PRPS2: variants seen among roughly 807,000 people sequenced by gnomAD.
PRPS2 encodes the protein phosphoribosyl pyrophosphate synthetase 2, also known as ribose-phosphate pyrophosphokinase 2.
For missense variants in PRPS2, 104 were observed against 271.5 expected (o/e 0.38, Z 4.34); for synonymous variants, 111 against 115.3 (o/e 0.96, Z 0.24).
chrX:12,806,083 GA>G (rs754962160), intron 2 of PRPS2, among the ~76,000 whole-genome samples: 10,451 of 87,900 alleles, frequency 0.12, 465 homozygotes, highest in Non-Finnish European at 0.15. Context: ...GTCTCAAAAG[GA>G]AAAAAAAAAA....
intron 1 of PRPS2, among the ~76,000 whole-genome samples, chrX:12,796,359 T>G (rs2042543750): frequency 9.1e-6 from 1 of 110,140 alleles, no homozygotes; most frequent in African/African-American, 3.3e-5. Flanking sequence ...TAGCTGGGAT[T>G]ACAGGCATGC....
At chrX:12,822,386 T>TA (rs1384548167) in intron 6 of PRPS2, among the ~76,000 whole-genome samples, 1 of 112,194 alleles carries the variant, frequency 8.9e-6, no homozygotes, top group Admixed American at 9.4e-5. Flanking sequence ...ACCTTCCGTA[T>TA]AATGATTAAA....
intron 2 of PRPS2, among the ~76,000 whole-genome samples, chrX:12,808,881 T>C (rs1231363466): frequency 2.7e-5 from 3 of 111,590 alleles, no homozygotes; most frequent in Non-Finnish European, 5.6e-5. Flanking sequence ...CTTTATGCCC[T>C]TCCTACTACT....
At chrX:12,804,478 C>A (rs1426800145) in intron 2 of PRPS2, among the ~76,000 whole-genome samples, 1 of 111,327 alleles carries the variant, frequency 9.0e-6, no homozygotes, top group African/African-American at 3.3e-5. Flanking sequence ...TAATACTTTT[C>A]CTAACTATTC....
At chrX:12,804,193 G>A in intron 2 of PRPS2, among the ~76,000 whole-genome samples, 1 of 109,478 alleles carries the variant, frequency 9.1e-6, no homozygotes, top group Middle Eastern at 4.7e-3. Context: ...CCAGGCTGGA[G>A]TACAGTGGCA....
chrX:12,808,652 T>C (rs1479649626), intron 2 of PRPS2, among the ~76,000 whole-genome samples: 1 of 112,362 alleles, frequency 8.9e-6, no homozygotes, highest in Non-Finnish European at 1.9e-5. Flanking sequence ...TTTGTAATAG[T>C]GTTAGCGTCC....
chrX:12,808,310 G>T (rs1231433385), intron 2 of PRPS2, among the ~76,000 whole-genome samples: 1 of 111,128 alleles, frequency 9.0e-6, no homozygotes, highest in Non-Finnish European at 1.9e-5. Flanking sequence ...GTGTGTGTGT[G>T]TGTGTAACAA....
chrX:12,809,504 G>A (rs1237044548), intron 3 of PRPS2, among the ~76,000 whole-genome samples, 172 bp downstream of exon 3: 3 of 111,300 alleles, frequency 2.7e-5, no homozygotes, highest in Non-Finnish European at 3.8e-5. Flanking sequence ...TCACCACCTT[G>A]CCCCCCAGTC....
At chrX:12,812,593 C>G (rs1210228416) in intron 4 of PRPS2, among the ~76,000 whole-genome samples, 1 of 112,028 alleles carries the variant, frequency 8.9e-6, no homozygotes, top group African/African-American at 3.2e-5. Context: ...CGCCACTGCA[C>G]TCCAGCGTGG....
At chrX:12,810,267 G>C (rs1462064294) in intron 4 of PRPS2, 121 bp downstream of exon 4, 1 of 923,564 alleles carries the variant, frequency 1.1e-6, no homozygotes, top group Non-Finnish European at 1.5e-6. Context: ...TAATGAGCAA[G>C]TAAGTAGACC....
intron 5 of PRPS2, among the ~76,000 whole-genome samples, chrX:12,820,232 G>A (rs1429143226): frequency 8.9e-6 from 1 of 112,564 alleles, no homozygotes; most frequent in Non-Finnish European, 1.9e-5. Flanking sequence ...TCAAAACAAT[G>A]ATGTTTGGCT....
intron 5 of PRPS2, 48 bp downstream of exon 5, chrX:12,819,728 G>A (rs764370751): frequency 6.1e-6 from 7 of 1,152,124 alleles, no homozygotes; most frequent in Admixed American, 2.4e-5. Flanking sequence ...CTAGGAAAGG[G>A]AAACACATCA....
chrX:12,809,873 T>C, intron 3 of PRPS2, 149 bp from the exon 4 acceptor site: 1 of 817,957 alleles, frequency 1.2e-6, no homozygotes, highest in East Asian at 3.5e-5. Flanking sequence ...TTAATTCTGT[T>C]TAAAATTAAC....
intron 1 of PRPS2, among the ~76,000 whole-genome samples, chrX:12,797,754 C>T (rs1379029488): frequency 8.9e-6 from 1 of 112,348 alleles, no homozygotes; most frequent in Non-Finnish European, 1.9e-5. Flanking sequence ...TTTTCTGTTT[C>T]TTCCCACCAA....
Position 12,822,906 on chromosome X carries a change from G to A in PRPS2, c.*110G>A, listed in dbSNP as rs992846340. The A allele has an allele frequency of 5.5e-6, 3 of 544,241 alleles. No individual in the cohort carries two copies. The African/African-American group carries it at 6.9e-5, about 13-fold the overall frequency. The allele number at this position is 544,241 out of a possible 1,213,427, so 44.9% of individuals were successfully genotyped here. ...AATGATAGGTTAATCACTGGCAAAAGCATCAGATCTTTGTATATGCTAAGA... is the reference window on the plus strand; with the variant it reads ...AATGATAGGTTAATCACTGGCAAAAACATCAGATCTTTGTATATGCTAAGA... On this transcript the variant is annotated 3_prime_UTR_variant, in exon 7 of 7. Transcript: ENST00000380668.
At chrX:12,817,468 TAAAAAA>T (rs765566895) in intron 4 of PRPS2, among the ~76,000 whole-genome samples, 3 of 67,276 alleles carry the variant, frequency 4.5e-5, no homozygotes, top group African/African-American at 5.8e-5. Flanking sequence ...ATGTTCCTCA[TAAAAAA>T]AAAAAAAAAA....
chrX:12,822,180 A>G (rs1419294223), intron 6 of PRPS2, among the ~76,000 whole-genome samples: 2 of 111,910 alleles, frequency 1.8e-5, no homozygotes, highest in Non-Finnish European at 3.8e-5. Context: ...AGCCACGTCC[A>G]TTCATATATG....
At chrX:12,809,463 T>C (rs1348657673) in intron 3 of PRPS2, 131 bp downstream of exon 3, 2 of 638,950 alleles carry the variant, frequency 3.1e-6, no homozygotes, top group Admixed American at 7.5e-5. Flanking sequence ...AACTTGAAAA[T>C]ATAATTTGAT....
At chrX:12,814,428 C>A (rs2042638169) in intron 4 of PRPS2, among the ~76,000 whole-genome samples, 1 of 112,406 alleles carries the variant, frequency 8.9e-6, no homozygotes, top group African/African-American at 3.2e-5. Context: ...TAGCCCCCAA[C>A]TGACAGTCTC....
Sources: gnomAD v4.1 joint callset for allele counts (sites outside exome capture counted in the v4.1 genomes callset) on GRCh38, gnomAD v4.1.1 for gene constraint, MANE v1.5 for transcripts, NCBI Gene and HGNC (gene_info 2026-07-23, HGNC 2026-07-21) for gene names.